SNX29: variants seen among roughly 807,000 people sequenced by gnomAD.
The protein encoded by SNX29 is sorting nexin-29.
A neutral mutation model predicts 102.1 loss-of-function variants in SNX29; 78 were observed. That is an observed-to-expected ratio of 0.76 (90% confidence interval 0.64 to 0.92). The LOEUF is 0.92. Ranked by LOEUF, SNX29 falls within the 40% of genes least tolerant of loss-of-function variation. SNX29 has a pLI of 0.00. For missense variants in SNX29, 1,280 were observed against 1,061.7 expected (o/e 1.21, Z -2.86); for synonymous variants, 580 against 414.5 (o/e 1.40, Z -4.85).
intron 13 of SNX29, among the ~76,000 whole-genome samples, chr16:12,169,888 G>T (rs1463861091): frequency 6.6e-6 from 1 of 151,880 alleles, no homozygotes; most frequent in East Asian, 2.0e-4. Context: ...TGATTATCCT[G>T]CCTCGGCCTC....
At chr16:12,409,631 G>T (rs1189594374) in intron 18 of SNX29, among the ~76,000 whole-genome samples, 1 of 151,804 alleles carries the variant, frequency 6.6e-6, no homozygotes, top group Non-Finnish European at 1.5e-5. Context: ...GTGTTTCACC[G>T]TGTTAGCCAG....
rs1555458249 is a variant in SNX29, at chr16:12,557,023, C to CG, written c.2319-11483_2319-11482insG. ...CCACATCTGGCTAATTTACCCCCCC[C>CG]CCGCCCCAAGATGAGGTCTTGCTAT... On this transcript the variant is annotated intron_variant, in intron 20 of 20. Transcript: ENST00000566228. Among the ~76,000 whole-genome samples, 26 of 120,908 alleles carry CG rather than the reference C, an allele frequency of 2.2e-4. 2 individuals are homozygous for CG. The highest frequency in any genetic ancestry group is 1.3e-3 in the South Asian group (4 of 3,044). The allele number at this position is 120,908 out of a possible 152,430, so 79.3% of individuals were successfully genotyped here. A position where few individuals can be genotyped will look rare whatever the true frequency, so the allele number is the denominator to read the frequency against.
At position 12,069,335 on chromosome 16, in the gene SNX29, G is replaced by A. The variant is rs149920981; in HGVS notation, c.1319+203G>A. On this transcript the variant is annotated intron_variant, in intron 10 of 20. Coordinates refer to ENST00000566228, the MANE Select transcript of SNX29 (RefSeq NM_032167.5). ...GGCTAGAGTGCAGTGGCGCAGTCTC[G>A]GCTCACTGCAAACTCCGCCTCCCGA... Among the ~76,000 whole-genome samples, 515 of 151,866 alleles carry A rather than the reference G, an allele frequency of 3.4e-3. 1 individual carries two copies. The highest frequency in any genetic ancestry group is 0.012 in the African/African-American group (506 of 41,404).
chr16:12,195,271 T>G (rs1002416302), intron 13 of SNX29, among the ~76,000 whole-genome samples: 8 of 152,260 alleles, frequency 5.3e-5, no homozygotes, highest in African/African-American at 1.9e-4. Context: ...ACCATAACTT[T>G]CCACCCACTC....
intron 3 of SNX29, among the ~76,000 whole-genome samples, chr16:12,019,412 A>G (rs2056948577): frequency 6.6e-6 from 1 of 151,782 alleles, no homozygotes; most frequent in Non-Finnish European, 1.5e-5. Context: ...TCACTGTGTT[A>G]GCCAGAATGG....
At chr16:12,230,594 C>G (rs1277789927) in intron 14 of SNX29, among the ~76,000 whole-genome samples, 1 of 152,154 alleles carries the variant, frequency 6.6e-6, no homozygotes, top group Non-Finnish European at 1.5e-5. Flanking sequence ...TCAAACAAAG[C>G]TGCAAGTGGA....
rs2055493916 is a variant in SNX29, at chr16:12,155,278, G to A, written c.1595+25520G>A. ...TAATTATGCAGCTGAGTGTGCTCAGGTATATTCTATGTATTAAGCTGATAG... is the reference window on the plus strand; with the variant it reads ...TAATTATGCAGCTGAGTGTGCTCAGATATATTCTATGTATTAAGCTGATAG... On this transcript the variant is annotated intron_variant, in intron 13 of 20. Transcript: ENST00000566228. 2.0e-5 allele frequency among the ~76,000 whole-genome samples: 3 copies of A among 152,178 alleles called. No homozygotes were observed. The South Asian group carries it at 6.2e-4, about 32-fold the overall frequency.
At chr16:12,141,793 G>T (rs1168418853) in intron 13 of SNX29, among the ~76,000 whole-genome samples, 5 of 152,320 alleles carry the variant, frequency 3.3e-5, no homozygotes, top group Middle Eastern at 3.4e-3. Context: ...GGTTTTGCTG[G>T]GTTTTGGCTG....
chr16:12,348,909 G>A (rs927952936), intron 15 of SNX29, among the ~76,000 whole-genome samples: 2 of 149,588 alleles, frequency 1.3e-5, no homozygotes, highest in South Asian at 2.1e-4. Flanking sequence ...TTCCTCGTGC[G>A]CAGGGAGTGC....
At chr16:12,320,310 G>T (rs566211480) in intron 15 of SNX29, among the ~76,000 whole-genome samples, 110 of 152,196 alleles carry the variant, frequency 7.2e-4, no homozygotes, top group Middle Eastern at 3.4e-3. Flanking sequence ...CATTGGAAGG[G>T]GCTTGGAAGG....
chr16:12,146,555 T>C (rs1005021280), intron 13 of SNX29, among the ~76,000 whole-genome samples: 4 of 152,222 alleles, frequency 2.6e-5, no homozygotes, highest in African/African-American at 9.6e-5. Flanking sequence ...TGTGAGCCAC[T>C]GCACCCAGCC....
chr16:12,166,492 G>C (rs2056029172), intron 13 of SNX29, among the ~76,000 whole-genome samples: 1 of 152,226 alleles, frequency 6.6e-6, no homozygotes, highest in African/African-American at 2.4e-5. Context: ...GAGCAGGAAG[G>C]CGGGGGGCAT....
intron 19 of SNX29, among the ~76,000 whole-genome samples, chr16:12,513,593 G>A (rs973296544): frequency 6.6e-6 from 1 of 152,188 alleles, no homozygotes; most frequent in African/African-American, 2.4e-5. Flanking sequence ...TGCAGGACCT[G>A]TTCCAGCCTC....
intron 18 of SNX29, among the ~76,000 whole-genome samples, chr16:12,470,615 C>A (rs2087291781): frequency 6.6e-6 from 1 of 152,142 alleles, no homozygotes; most frequent in South Asian, 2.1e-4. Flanking sequence ...ATTTCCTGAA[C>A]TCTGCTGTTT....
chr16:12,209,779 A>C (rs2077135544), intron 14 of SNX29, among the ~76,000 whole-genome samples: 1 of 152,142 alleles, frequency 6.6e-6, no homozygotes, highest in Non-Finnish European at 1.5e-5. Context: ...CTCTGCACTT[A>C]AGTCAGGCAT....
Position 12,052,063 on chromosome 16 carries a change from A to T in SNX29, c.965A>T (p.Asn322Ile). The T allele has an allele frequency of 6.2e-7, 1 of 1,613,940 alleles. No individual in the cohort carries two copies. Among genetic ancestry groups the T allele is most frequent in the Non-Finnish European group, 8.5e-7 (1 of 1,179,858 alleles). The change falls in exon 8 of 21, where the codon AAC becomes ATC. Residue 322 changes from asparagine to isoleucine, a missense_variant. Transcript: ENST00000566228. The stretch of plus-strand genomic sequence containing the variant: ...AACTCCAATGGAAGTCAGAGCAGCA[A>T]CTCATGGAAAATTGATTCCCTGTCT... ...GPNSNGSQSS[N>I]SWKIDSLSLN... is the part of the protein sequence containing the mutation.
chr16:12,200,258 C>T (rs1167864068), intron 14 of SNX29, among the ~76,000 whole-genome samples: 1 of 152,022 alleles, frequency 6.6e-6, no homozygotes, highest in Non-Finnish European at 1.5e-5. Context: ...TCAGAAATTC[C>T]AGCAGATAGA....
intron 13 of SNX29, among the ~76,000 whole-genome samples, chr16:12,175,971 G>C (rs944927630): frequency 6.6e-6 from 1 of 151,876 alleles, no homozygotes; most frequent in Non-Finnish European, 1.5e-5. Context: ...GTGTCATTGC[G>C]GTCCAGCCTG....
chr16:12,266,767 A>AT (rs575523399), intron 14 of SNX29, among the ~76,000 whole-genome samples: 2,773 of 149,072 alleles, frequency 0.019, 39 homozygotes, highest in Middle Eastern at 0.066. Context: ...AAGTATGTAA[A>AT]TTTTTTTTTT....
Sources: gnomAD v4.1 joint callset for allele counts (sites outside exome capture counted in the v4.1 genomes callset) on GRCh38, gnomAD v4.1.1 for gene constraint, MANE v1.5 for transcripts, NCBI Gene and HGNC (gene_info 2026-07-23, HGNC 2026-07-21) for gene names.